SCGB1D1: variants seen among roughly 807,000 people sequenced by gnomAD.
SCGB1D1 encodes lipophilin A (uteroglobin family member).
Under a neutral mutation model 8.3 loss-of-function variants are expected in SCGB1D1, and 10 were observed. That is an observed-to-expected ratio of 1.21 (90% confidence interval 0.74 to 2.05). The LOEUF (loss-of-function observed/expected upper bound fraction) is 2.05, where lower values mean the gene tolerates loss of function less well. SCGB1D1 is among the 30% of genes most tolerant of loss of function. The pLI, the probability that SCGB1D1 is intolerant of heterozygous loss-of-function variation, is 0.00. For missense variants in SCGB1D1, 94 were observed against 105.1 expected, an observed-to-expected ratio of 0.89 and a Z score of 0.46; for synonymous variants, 46 against 41.7, an observed-to-expected ratio of 1.10 and a Z score of -0.39.
At position 62,192,256 on chromosome 11, in the gene SCGB1D1, T is replaced by A. The variant is rs764653917; in HGVS notation, c.243+13T>A. The A allele has an allele frequency of 6.5e-7, 1 of 1,543,794 alleles. No homozygotes were observed. The highest frequency in any genetic ancestry group is 8.8e-7 in the Non-Finnish European group (1 of 1,138,416). ...TACAAAAACATTGGTAATTTCTGTCTCTTTCATGTGTCCAGGCTTCTGGTC... is the reference window on the plus strand; with the variant it reads ...TACAAAAACATTGGTAATTTCTGTCACTTTCATGTGTCCAGGCTTCTGGTC... On this transcript the variant is annotated intron_variant, in intron 2 of 2. Coordinates refer to ENST00000306238, the MANE Select transcript of SCGB1D1 (RefSeq NM_006552.2).
intron 1 of SCGB1D1, 106 bp from the exon 2 acceptor site, chr11:62,191,950 A>T: frequency 1.0e-6 from 1 of 988,140 alleles, no homozygotes; most frequent in South Asian, 1.9e-5. Flanking sequence ...ATAGTTATTG[A>T]ATAGAAGCCT....
Position 62,190,293 on chromosome 11 carries a change from G to T in SCGB1D1, c.9G>T (p.Leu3=), listed in dbSNP as rs2134719345. MR[L]SVCLLLLTLA... is the part of the protein sequence containing the mutation. ...CAGCAGAATAAGCCACCATGAGGCTGTCGGTGTGTCTCCTGCTGCTCACGC... is the reference window on the plus strand; with the variant it reads ...CAGCAGAATAAGCCACCATGAGGCTTTCGGTGTGTCTCCTGCTGCTCACGC... The change falls in exon 1 of 3, where the codon CTG becomes CTT. Residue 3 remains leucine (L), a synonymous_variant. Coordinates refer to ENST00000306238, the MANE Select transcript of SCGB1D1 (RefSeq NM_006552.2). 1 of 1,614,196 alleles carries T rather than the reference G, an allele frequency of 6.2e-7. No homozygotes were observed. Among genetic ancestry groups the T allele is most frequent in the East Asian group, 2.2e-5 (1 of 44,884 alleles).
chr11:62,192,707 T>G (rs1944688419), intron 2 of SCGB1D1, among the ~76,000 whole-genome samples: 1 of 152,190 alleles, frequency 6.6e-6, no homozygotes, highest in Non-Finnish European at 1.5e-5. Flanking sequence ...GCTGGAGGGC[T>G]GGACTTCTCT....
chr11:62,193,534 C>A lies in SCGB1D1; in HGVS notation c.*106C>A. Reference sequence around the variant, plus strand: ...CGTCTTGCTCTAATAAATCACTTGCCCTGAACTTCTCCACTGGTCGTGTTA... The same window carrying A: ...CGTCTTGCTCTAATAAATCACTTGCACTGAACTTCTCCACTGGTCGTGTTA... On this transcript the variant is annotated 3_prime_UTR_variant, in exon 3 of 3. Coordinates refer to ENST00000306238, the MANE Select transcript of SCGB1D1 (RefSeq NM_006552.2). The A allele has an allele frequency of 1.0e-6, 1 of 989,934 alleles. No individual in the cohort carries two copies. Among genetic ancestry groups the A allele is most frequent in the South Asian group, 1.5e-5 (1 of 64,750 alleles). 61.3% of individuals were successfully genotyped at this position (989,934 alleles called of 1,614,324 possible).
Position 62,191,940 on chromosome 11 carries a change from A to G in SCGB1D1, c.56-116A>G, listed in dbSNP as rs552458187. The G allele has an allele frequency of 3.7e-5, 32 of 860,788 alleles. 1 individual carries two copies. Among genetic ancestry groups the G allele is most frequent in the Non-Finnish European group, 4.5e-5 (26 of 581,336 alleles). The allele number at this position is 860,788 out of a possible 1,614,324, so 53.3% of individuals were successfully genotyped here. A position where few individuals can be genotyped will look rare whatever the true frequency, so the allele number is the denominator to read the frequency against. ...TCCTGGGTCTGACATTGTCATTGGC[A>G]TAGTTATTGAATAGAAGCCTAAAAC... On this transcript the variant is annotated intron_variant, in intron 1 of 2. Coordinates refer to ENST00000306238, the MANE Select transcript of SCGB1D1 (RefSeq NM_006552.2).
intron 2 of SCGB1D1, 121 bp downstream of exon 2, chr11:62,192,364 C>A: frequency 1.2e-6 from 1 of 847,388 alleles, no homozygotes; most frequent in Non-Finnish European, 1.9e-6. Context: ...TACTGGTCAC[C>A]GCTTGAGAAG....
In SCGB1D1 at chr11:62,192,222, A is replaced by G. The variant is rs768995561; in HGVS notation, c.222A>G (p.Arg74=). ...TGGATACGATGGCCTATGAGAAAAGAGTGCTAATTACAAAAACATTGGTAA... is the reference window on the plus strand; with the variant it reads ...TGGATACGATGGCCTATGAGAAAAGGGTGCTAATTACAAAAACATTGGTAA... ...KCVDTMAYEK[R]VLITKTLGKI... is the part of the protein sequence containing the mutation. Residue 74 remains arginine (R), a synonymous_variant, in exon 2 of 3, where the codon AGA becomes AGG. Coordinates refer to ENST00000306238, the MANE Select transcript of SCGB1D1 (RefSeq NM_006552.2). 1.2e-6 allele frequency: 2 copies of G among 1,609,014 alleles called. No individual in the cohort carries two copies. The highest frequency in any genetic ancestry group is 2.2e-5 in the South Asian group (2 of 90,820).
chr11:62,192,810 T>C (rs1482135116), intron 2 of SCGB1D1, among the ~76,000 whole-genome samples: 2 of 152,198 alleles, frequency 1.3e-5, no homozygotes, highest in Non-Finnish European at 2.9e-5. Flanking sequence ...CCACGGCCAG[T>C]GGGCCAAGAC....
At chr11:62,192,326 A>T in intron 2 of SCGB1D1, 83 bp downstream of exon 2, 1 of 1,253,438 alleles carries the variant, frequency 8.0e-7, no homozygotes, top group Non-Finnish European at 1.1e-6. Context: ...CTGCTCTGTG[A>T]GGGACACAGG....
Position 62,190,316 on chromosome 11 carries a change from C to T in SCGB1D1, c.32C>T (p.Thr11Met), listed in dbSNP as rs749033250. The T allele has an allele frequency of 2.5e-5, 41 of 1,614,064 alleles. No individual in the cohort carries two copies. The highest frequency in any genetic ancestry group is 4.5e-5 in the East Asian group (2 of 44,888). ...CTGTCGGTGTGTCTCCTGCTGCTCACGCTGGCCCTTTGCTGCTACCGGGGT... is the reference window on the plus strand; with the variant it reads ...CTGTCGGTGTGTCTCCTGCTGCTCATGCTGGCCCTTTGCTGCTACCGGGGT... MRLSVCLLLL[T>M]LALCCYRANA... is the part of the protein sequence containing the mutation. Residue 11 changes from threonine to methionine, a missense_variant, in exon 1 of 3, where the codon ACG (threonine) becomes ATG (methionine). Physicochemically the swap from Thr to Met is moderately conservative, Grantham distance 81. Transcript: ENST00000306238.
At chr11:62,192,647 G>A (rs925832810) in intron 2 of SCGB1D1, among the ~76,000 whole-genome samples, 4 of 152,160 alleles carry the variant, frequency 2.6e-5, no homozygotes, top group African/African-American at 7.2e-5. Flanking sequence ...CCTTGAACAG[G>A]GAGAAGAAGG....
At chr11:62,192,669 C>A (rs567348068) in intron 2 of SCGB1D1, among the ~76,000 whole-genome samples, 5 of 152,278 alleles carry the variant, frequency 3.3e-5, no homozygotes, top group Non-Finnish European at 7.4e-5. Flanking sequence ...AGGGAGGGAC[C>A]TAGAGCAGGG....
chr11:62,193,514 T>C lies in SCGB1D1; in HGVS notation c.*86T>C, dbSNP rs936629880. ...GCAGAATGTAAAGGTTTCAACGTCT[T>C]GCTCTAATAAATCACTTGCCCTGAA... On this transcript the variant is annotated 3_prime_UTR_variant, in exon 3 of 3. Transcript: ENST00000306238. 1 of 1,191,656 alleles carries C rather than the reference T, an allele frequency of 8.4e-7. No individual in the cohort carries two copies. Among genetic ancestry groups the C allele is most frequent in the East Asian group, 2.4e-5 (1 of 41,410 alleles). The allele number at this position is 1,191,656 out of a possible 1,614,324, so 73.8% of individuals were successfully genotyped here. A position where few individuals can be genotyped will look rare whatever the true frequency, so the allele number is the denominator to read the frequency against.
At position 62,192,144 on chromosome 11, in the gene SCGB1D1, A is replaced by G; in HGVS notation, c.144A>G (p.Lys48=). The G allele has an allele frequency of 6.2e-7, 1 of 1,613,948 alleles. No individual in the cohort carries two copies. The highest frequency in any genetic ancestry group is 8.5e-7 in the Non-Finnish European group (1 of 1,179,838). Residue 48 remains lysine (K), a synonymous_variant, in exon 2 of 3, where the codon AAA becomes AAG. Transcript: ENST00000306238. ...GKPVFKFQLA[K]FKAPLEAVAA... ...CTGTGTTCAAGTTCCAACTTGCCAAATTTAAGGCACCTCTGGAAGCTGTTG... is the reference window on the plus strand; with the variant it reads ...CTGTGTTCAAGTTCCAACTTGCCAAGTTTAAGGCACCTCTGGAAGCTGTTG...
chr11:62,192,488 C>T (rs1197903814), intron 2 of SCGB1D1, among the ~76,000 whole-genome samples: 1 of 152,140 alleles, frequency 6.6e-6, no homozygotes, highest in Non-Finnish European at 1.5e-5. Context: ...ATGCCGTGTC[C>T]CCAGAGTGTG....
In SCGB1D1 at chr11:62,193,425, C is replaced by T. The variant is rs373191839; in HGVS notation, c.270C>T (p.Arg90=). The stretch of plus-strand genomic sequence containing the variant: ...GAAAAATAGCAGAGAAATGTGATCG[C>T]TGAGATGTAAAAAGTTTTTAATGCT... The part of the protein sequence containing the change: ...TLGKIAEKCD[R] The change falls in exon 3 of 3, where the codon CGC becomes CGT. Residue 90 remains arginine (R), a synonymous_variant. Coordinates refer to ENST00000306238, the MANE Select transcript of SCGB1D1 (RefSeq NM_006552.2). 6.2e-7 allele frequency: 1 copy of T among 1,612,590 alleles called. No individual in the cohort carries two copies. Among genetic ancestry groups the T allele is most frequent in the Non-Finnish European group, 8.5e-7 (1 of 1,179,282 alleles).
chr11:62,190,367 C>G (rs1274243160), intron 1 of SCGB1D1, 28 bp downstream of exon 1: 6 of 1,614,068 alleles, frequency 3.7e-6, no homozygotes, highest in Non-Finnish European at 5.1e-6. Context: ...GAGTCCAGCA[C>G]CAGCCCTTGG....
intron 1 of SCGB1D1, 101 bp downstream of exon 1, chr11:62,190,440 C>A: frequency 7.1e-7 from 1 of 1,412,296 alleles, no homozygotes; most frequent in Non-Finnish European, 9.9e-7. Flanking sequence ...TGGAACAAAC[C>A]AAAATTCCAA....
chr11:62,192,411 C>T (rs1249181186), intron 2 of SCGB1D1, among the ~76,000 whole-genome samples, 168 bp downstream of exon 2: 2 of 152,174 alleles, frequency 1.3e-5, no homozygotes, highest in African/African-American at 4.8e-5. Context: ...TACCATTTCA[C>T]CTGCAGAATT....
Sources: gnomAD v4.1 joint callset for allele counts (sites outside exome capture counted in the v4.1 genomes callset) on GRCh38, gnomAD v4.1.1 for gene constraint, MANE v1.5 for transcripts, NCBI Gene and HGNC (gene_info 2026-07-23, HGNC 2026-07-21) for gene names.